CELSR1: variants seen among roughly 807,000 people sequenced by gnomAD.
CELSR1 encodes cadherin EGF LAG seven-pass G-type receptor 1.
A neutral mutation model predicts 249.1 loss-of-function variants in CELSR1; 110 were observed. The observed-to-expected ratio is 0.44, with a 90% CI of 0.38 to 0.52. The LOEUF is 0.52. Among genes scored for constraint, CELSR1 ranks in the 20% least tolerant of loss-of-function variants. CELSR1 has a pLI of 0.00. For synonymous variants in CELSR1, 2,113 were observed against 1,900.0 expected (o/e 1.11, Z -2.92); for missense variants, 4,109 against 4,296.4 (o/e 0.96, Z 1.22).
Position 46,363,501 on chromosome 22 carries a change from C to T in CELSR1, c.9036-254G>A, listed in dbSNP as rs1602015253. The T allele has an allele frequency of 6.7e-6, 3 of 444,972 alleles. No individual in the cohort carries two copies. The highest frequency in any genetic ancestry group is 1.2e-5 in the Non-Finnish European group (3 of 243,136). 27.6% of individuals were successfully genotyped at this position (444,972 alleles called of 1,614,324 possible). ...GCAAGGAATCCACGTTAGAAACCGG[C>T]CATCTCTACAGTGACTTTTGGAAGG... On this transcript the variant is annotated intron_variant, in intron 34 of 34. Transcript: ENST00000674500. This position sits in a 1 kb window ranked among gnomAD's most constrained non-coding sequence, Gnocchi z 4.3.
Position 46,378,575 on chromosome 22 carries a change from A to T in CELSR1, c.7383+16T>A. On this transcript the variant is annotated intron_variant, in intron 23 of 34. Transcript: ENST00000674500. ...GGTAGGCCCAGAGGGCACAGTGGCC[A>T]CGGGAGGATGCCCACCTCACGCCTG... The T allele has an allele frequency of 1.9e-6, 3 of 1,553,300 alleles. No individual in the cohort carries two copies. The highest frequency in any genetic ancestry group is 2.6e-6 in the Non-Finnish European group (3 of 1,148,016).
chr22:46,437,464 A>G lies in CELSR1; in HGVS notation c.4407-1175T>C, dbSNP rs1316355071. On this transcript the variant is annotated intron_variant, in intron 3 of 34. Transcript: ENST00000674500. This position sits in a 1 kb window ranked among gnomAD's most constrained non-coding sequence, Gnocchi z 4.9. ...CCTCAGCCTTTTCTCTGGAGTTAAAATTGATGGTTTCGGCTGGCCGGTGGC... is the reference window on the plus strand; with the variant it reads ...CCTCAGCCTTTTCTCTGGAGTTAAAGTTGATGGTTTCGGCTGGCCGGTGGC... 6.6e-6 allele frequency among the ~76,000 whole-genome samples: 1 copy of G among 152,210 alleles called. No individual in the cohort carries two copies. The highest frequency in any genetic ancestry group is 1.5e-5 in the Non-Finnish European group (1 of 68,032).
chr22:46,463,682 A>T, intron 2 of CELSR1, 25 bp downstream of exon 2: 3 of 1,497,008 alleles, frequency 2.0e-6, no homozygotes, highest in Non-Finnish European at 2.7e-6. Context: ...ATGTACACAA[A>T]GCCAGGGTGA....
Position 46,378,242 on chromosome 22 carries a change from C to A in CELSR1, c.7383+349G>T, listed in dbSNP as rs528782696. On this transcript the variant is annotated intron_variant, in intron 23 of 34. Coordinates refer to ENST00000674500, the MANE Select transcript of CELSR1 (RefSeq NM_001378328.1). The stretch of plus-strand genomic sequence containing the variant: ...GTGGGGAGCGGCACCGTCCAACAGA[C>A]CCGCACTGAAGTGAGGGGCAGGTTC... Among the ~76,000 whole-genome samples, 98 of 152,268 alleles carry A rather than the reference C, an allele frequency of 6.4e-4. 1 individual carries two copies. Among genetic ancestry groups the A allele is most frequent in the African/African-American group, 1.9e-3 (77 of 41,574 alleles).
rs2080058505 is a variant in CELSR1 at position 46,463,638 on chromosome 22, C to T, written c.4183+69G>A. The T allele has an allele frequency of 2.1e-6, 3 of 1,421,278 alleles. No homozygotes were observed. The East Asian group carries it at 7.8e-5, about 37-fold the overall frequency. The allele number at this position is 1,421,278 out of a possible 1,614,324, so 88.0% of individuals were successfully genotyped here. ...CCCGGAGGGAAGTAAACAGAGGAAA[C>T]CACCTGAGACCCTCGGCCATGTGAC... On this transcript the variant is annotated intron_variant, in intron 2 of 34. Transcript: ENST00000674500.
At chr22:46,443,659 TCACA>T (rs3056344) in intron 2 of CELSR1, among the ~76,000 whole-genome samples, 3 of 151,604 alleles carry the variant, frequency 2.0e-5, no homozygotes, top group Non-Finnish European at 2.9e-5. Context: ...ATACACCTGT[TCACA>T]CACACACACA....
At chr22:46,486,403 C>T (rs1438160141) in intron 1 of CELSR1, among the ~76,000 whole-genome samples, 3 of 151,806 alleles carry the variant, frequency 2.0e-5, no homozygotes, top group Non-Finnish European at 2.9e-5. Flanking sequence ...CAAAAATTAG[C>T]TGGGCGTGGT....
At chr22:46,373,651 G>A (rs2078882786) in intron 24 of CELSR1, among the ~76,000 whole-genome samples, 1 of 139,246 alleles carries the variant, frequency 7.2e-6, no homozygotes, top group African/African-American at 2.8e-5. Context: ...ATGGGAGAAT[G>A]GGGAGATGGG....
rs1278113546 is a variant in CELSR1, at chr22:46,410,487, C to T, written c.4844G>A (p.Arg1615Gln). Reference protein sequence around the residue: ...NLPEDFPVHNRQFVGCMRNLS... With the variant: ...NLPEDFPVHNQQFVGCMRNLS... ...GTTCCGCATGCAGCCCACGAACTGC[C>T]GGTTGTGCACTGGGAAGTCTTCTGG... Residue 1615 changes from arginine (R) to glutamine (Q), a missense_variant, in exon 7 of 35, where the codon CGG becomes CAG. Physicochemically the swap from Arg to Gln is conservative, Grantham distance 43 (BLOSUM62 1). This residue lies in a region of CELSR1 where 453 missense variants were observed against 492.0 expected (regional missense o/e 0.92). Coordinates refer to ENST00000674500, the MANE Select transcript of CELSR1 (RefSeq NM_001378328.1). The surrounding 1 kb of genome is among the most constrained non-coding windows in gnomAD (Gnocchi z 6.8). The T allele has an allele frequency of 5.6e-6, 9 of 1,613,942 alleles. No homozygotes were observed. The highest frequency in any genetic ancestry group is 2.2e-5 in the South Asian group (2 of 91,090).
At chr22:46,479,159 C>CAGCTCCAAATTCTTCCCAT (rs2080240982) in intron 1 of CELSR1, among the ~76,000 whole-genome samples, 2 of 151,856 alleles carry the variant, frequency 1.3e-5, no homozygotes, top group Non-Finnish European at 2.9e-5. Flanking sequence ...CTCACACCTG[C>CAGCTCCAAATTCTTCCCAT]GGCTGGTGCA....
chr22:46,364,533 G>A lies in CELSR1; in HGVS notation c.8758C>T (p.Gln2920Ter). The A allele has an allele frequency of 6.2e-7, 1 of 1,611,346 alleles. No homozygotes were observed. Among genetic ancestry groups the A allele is most frequent in the Non-Finnish European group, 8.5e-7 (1 of 1,179,660 alleles). The part of the protein sequence containing the change: ...SGGAARLASS[Q>*]PPEQRKGILK... ...GCACCTTTCCTCTGCTCTGGGGGCTGGCTGCTAGCAAGCCTGGCTGCGCCC... is the reference window on the plus strand; with the variant it reads ...GCACCTTTCCTCTGCTCTGGGGGCTAGCTGCTAGCAAGCCTGGCTGCGCCC... The change falls in exon 33 of 35, where the codon CAG (glutamine) becomes TAG (stop). Residue 2920 changes from glutamine (Q) to a stop codon, truncating the protein, a stop_gained. Transcript: ENST00000674500. LOFTEE classifies it high-confidence loss of function.
chr22:46,438,267 C>A (rs997664942), intron 3 of CELSR1, among the ~76,000 whole-genome samples: 16 of 152,052 alleles, frequency 1.1e-4, no homozygotes, highest in Non-Finnish European at 2.1e-4. Flanking sequence ...AGCCCGGAGC[C>A]CACTTGGGAG....
At position 46,521,756 on chromosome 22, in the gene CELSR1, G is replaced by A. The variant is rs12168890; in HGVS notation, c.3544+11871C>T. Among the ~76,000 whole-genome samples the A allele has an allele frequency of 3.4e-3, 520 of 152,192 alleles. 2 individuals carry two copies. In the Middle Eastern group the frequency reaches 0.037, roughly 11 times the overall value. On this transcript the variant is annotated intron_variant, in intron 1 of 34. Coordinates refer to ENST00000674500, the MANE Select transcript of CELSR1 (RefSeq NM_001378328.1). ...CGCTTGAACCCAGGAGGTAGAGGCC[G>A]CAGTGAGCCAAGATCGCGCCATTGC...
At chr22:46,509,049 C>T (rs567587304) in intron 1 of CELSR1, among the ~76,000 whole-genome samples, 16 of 152,304 alleles carry the variant, frequency 1.1e-4, no homozygotes, top group South Asian at 1.0e-3. Flanking sequence ...ATTTTAAAGG[C>T]GTCATCATCA....
chr22:46,466,960 C>T (rs1192215517), intron 1 of CELSR1, among the ~76,000 whole-genome samples: 1 of 152,174 alleles, frequency 6.6e-6, no homozygotes, highest in East Asian at 1.9e-4. Flanking sequence ...CACTGTCTAC[C>T]AGCCAGGAAA....
At position 46,413,138 on chromosome 22, in the gene CELSR1, G is replaced by C. The variant is rs1293666000; in HGVS notation, c.4612-1379C>G. Among the ~76,000 whole-genome samples the C allele has an allele frequency of 6.6e-6, 1 of 152,224 alleles. No homozygotes were observed. The highest frequency in any genetic ancestry group is 1.5e-5 in the Non-Finnish European group (1 of 68,040). ...GGAAATAGATCGTTGTAAAAACGTAGAATTTAATTAAATCATCCTCAGTGC... is the reference window on the plus strand; with the variant it reads ...GGAAATAGATCGTTGTAAAAACGTACAATTTAATTAAATCATCCTCAGTGC... On this transcript the variant is annotated intron_variant, in intron 5 of 34. Transcript: ENST00000674500. This position sits in a 1 kb window ranked among gnomAD's most constrained non-coding sequence, Gnocchi z 4.7.
chr22:46,524,216 T>C (rs1180263333), intron 1 of CELSR1, among the ~76,000 whole-genome samples: 1 of 152,186 alleles, frequency 6.6e-6, no homozygotes, highest in Non-Finnish European at 1.5e-5. Context: ...CCTGTAAGAT[T>C]TCACTGAGAC....
At position 46,500,594 on chromosome 22, in the gene CELSR1, G is replaced by A. The variant is rs9616027; in HGVS notation, c.3544+33033C>T. Among the ~76,000 whole-genome samples the A allele has an allele frequency of 0.13, 20,152 of 152,244 alleles. 1,538 individuals carry two copies. Among genetic ancestry groups the A allele is most frequent in the South Asian group, 0.23 (1,120 of 4,818 alleles). ...CCATAACTTGTCACAGAAGAACAGAGGCCCGAGCTAGCCCACACCTGTGTT... is the reference window on the plus strand; with the variant it reads ...CCATAACTTGTCACAGAAGAACAGAAGCCCGAGCTAGCCCACACCTGTGTT... On this transcript the variant is annotated intron_variant, in intron 1 of 34. Transcript: ENST00000674500. The surrounding 1 kb of genome is among the most constrained non-coding windows in gnomAD (Gnocchi z 4.9).
chr22:46,373,611 C>T (rs2078882136), intron 24 of CELSR1, among the ~76,000 whole-genome samples: 1 of 144,390 alleles, frequency 6.9e-6, no homozygotes. Context: ...GCAGGCTCCC[C>T]TCTGGGTCCC....
Sources: allele counts gnomAD v4.1 joint callset (sites outside exome capture counted in the v4.1 genomes callset), GRCh38; gene constraint gnomAD v4.1.1; regional missense constraint gnomAD v4.1.1; non-coding constraint Gnocchi (gnomAD v3.1); transcripts MANE v1.5; gene names NCBI Gene and HGNC (gene_info 2026-07-23, HGNC 2026-07-21).